NLRC5: variants seen among roughly 807,000 people sequenced by gnomAD.
NLRC5 encodes the protein NLR family CARD domain containing 5.
NLRC5 carries 114 observed loss-of-function variants against 206.9 expected under a neutral mutation model. The observed-to-expected ratio is 0.55, with a 90% confidence interval of 0.47 to 0.64. The LOEUF (loss-of-function observed/expected upper bound fraction) is 0.64, where lower values mean the gene tolerates loss of function less well. NLRC5 is among the 30% of genes least tolerant of loss of function. NLRC5 has a pLI of 0.00. For missense variants in NLRC5, 2,008 were observed against 2,305.5 expected (o/e 0.87, Z 2.64); for synonymous variants, 952 against 962.8 (o/e 0.99, Z 0.21).
intron 34 of NLRC5, 114 bp from the exon 35 acceptor site, chr16:57,067,273 T>A: frequency 1.2e-6 from 1 of 848,564 alleles, no homozygotes; most frequent in East Asian, 2.4e-5. Context: ...ACTGTAGGAC[T>A]TCATTTGATC....
intron 23 of NLRC5, among the ~76,000 whole-genome samples, chr16:57,049,098 C>T (rs1454276952): frequency 6.6e-6 from 1 of 151,332 alleles, no homozygotes; most frequent in Non-Finnish European, 1.5e-5. Flanking sequence ...CTAGCGATAG[C>T]TGATGTGCTA....
Position 57,082,816 on chromosome 16 carries a change from T to C in NLRC5, c.*288T>C. 1 of 316,176 alleles carries C rather than the reference T, an allele frequency of 3.2e-6. No individual in the cohort carries two copies. Among genetic ancestry groups the C allele is most frequent in the Non-Finnish European group, 5.9e-6 (1 of 170,856 alleles). 19.6% of individuals were successfully genotyped at this position (316,176 alleles called of 1,614,324 possible). ...TCATGACAATGCATGACACGTACGG[T>C]TATATGTGGCAGTGTGACCCCTTGA... On this transcript the variant is annotated 3_prime_UTR_variant, in exon 49 of 49. Transcript: ENST00000688547.
chr16:57,004,311 C>T (rs1422889390), intron 1 of NLRC5, among the ~76,000 whole-genome samples: 1 of 152,200 alleles, frequency 6.6e-6, no homozygotes. Flanking sequence ...GACCAGCTCT[C>T]ACAATGTTGC....
chr16:56,990,759 G>C (rs541182070), intron 1 of NLRC5: 1 of 152,062 alleles, frequency 6.6e-6, no homozygotes, highest in Non-Finnish European at 1.5e-5. Flanking sequence ...ATCACCTTCC[G>C]TTTCTCTAAG....
intron 46 of NLRC5, 27 bp from the exon 47 acceptor site, chr16:57,081,071 G>A (rs1413391714): frequency 2.6e-6 from 4 of 1,545,034 alleles, no homozygotes; most frequent in Non-Finnish European, 2.6e-6. Flanking sequence ...CTCTCCTGCC[G>A]CTGACTTTGG....
At chr16:56,991,294 G>T (rs564485484) in intron 1 of NLRC5, among the ~76,000 whole-genome samples, 1 of 152,046 alleles carries the variant, frequency 6.6e-6, no homozygotes, top group Non-Finnish European at 1.5e-5. Flanking sequence ...GGCCGGGTCA[G>T]CCTCCTCAGA....
intron 5 of NLRC5, among the ~76,000 whole-genome samples, chr16:57,024,597 CG>C (rs1357208387): frequency 1.3e-5 from 2 of 152,190 alleles, no homozygotes; most frequent in East Asian, 3.8e-4. Context: ...CCCACAGTTC[CG>C]ATCGGTAATG....
At chr16:57,055,810 C>T (rs879452066) in intron 27 of NLRC5, among the ~76,000 whole-genome samples, 2 of 152,188 alleles carry the variant, frequency 1.3e-5, no homozygotes, top group Admixed American at 6.5e-5. Flanking sequence ...GGGGCTAAAA[C>T]GCAGGATTCA....
intron 17 of NLRC5, 94 bp downstream of exon 17, chr16:57,040,812 G>A (rs1214541790): frequency 1.6e-6 from 2 of 1,216,734 alleles, no homozygotes; most frequent in Non-Finnish European, 2.4e-6. Flanking sequence ...GGCCCCACAT[G>A]CTCCCTGAAG....
Position 57,082,691 on chromosome 16 carries a change from A to C in NLRC5, c.*163A>C. The C allele has an allele frequency of 1.7e-6, 1 of 573,698 alleles. No individual in the cohort carries two copies. The highest frequency in any genetic ancestry group is 2.4e-5 in the South Asian group (1 of 41,716). 35.5% of individuals were successfully genotyped at this position (573,698 alleles called of 1,614,324 possible). ...TGTCCTGCTGCAGTCCTCAGGGAGA[A>C]CTTTTTTGGGAACCAGGAGCTGGGT... is the stretch of plus-strand genomic sequence containing the variant. On this transcript the variant is annotated 3_prime_UTR_variant, in exon 49 of 49. Transcript: ENST00000688547.
chr16:57,036,314 C>A, intron 14 of NLRC5, 131 bp downstream of exon 14: 2 of 819,196 alleles, frequency 2.4e-6, no homozygotes, highest in Non-Finnish European at 4.0e-6. Flanking sequence ...CCAGCAAAGT[C>A]AAGATGGTTT....
chr16:57,014,729 C>T lies in NLRC5; in HGVS notation c.-127-2345C>T, dbSNP rs534303933. ...CAGTTTGGGCTGTTATAATGAAACA[C>T]TGTAGACTGGGTGGCTTAAACAACA... On this transcript the variant is annotated intron_variant, in intron 1 of 48. Coordinates refer to ENST00000688547, the MANE Select transcript of NLRC5 (RefSeq NM_001384950.1). Among the ~76,000 whole-genome samples the T allele has an allele frequency of 2.6e-5, 4 of 152,212 alleles. No individual in the cohort carries two copies. In the South Asian group the frequency reaches 6.2e-4, roughly 24 times the overall value.
In NLRC5 at chr16:57,074,635, C is replaced by A. The variant is rs773251679; in HGVS notation, c.4703C>A (p.Ala1568Asp). The change falls in exon 39 of 49, where the codon GCC becomes GAC. Residue 1568 changes from alanine (A) to aspartate (D), a missense_variant. Physicochemically the swap from Ala to Asp is moderately radical, Grantham distance 126 (BLOSUM62 -2). Transcript: ENST00000688547. ...SHLLLNSSTL[A>D]LLTHRLSQMT... The stretch of plus-strand genomic sequence containing the variant: ...CTTCTGCTGAACAGCTCCACCTTGG[C>A]CTTGCTTACTCACAGACTAAGCCAG... 2.5e-6 allele frequency: 4 copies of A among 1,613,874 alleles called. No individual in the cohort carries two copies. The highest frequency in any genetic ancestry group is 3.4e-6 in the Non-Finnish European group (4 of 1,179,908).
intron 15 of NLRC5, among the ~76,000 whole-genome samples, chr16:57,037,688 G>A (rs7193009): frequency 0.021 from 3,140 of 152,206 alleles, 115 homozygotes; most frequent in African/African-American, 0.072. Flanking sequence ...AGAGCAGACC[G>A]TCAGTTCATG....
chr16:57,074,407 C>A (rs562985317), intron 38 of NLRC5, 193 bp from the exon 39 acceptor site: 37 of 584,112 alleles, frequency 6.3e-5, no homozygotes, highest in African/African-American at 9.3e-5. Context: ...GCCTGCCTGA[C>A]CTCAGTAATT....
At position 57,067,820 on chromosome 16, in the gene NLRC5, G is replaced by C; in HGVS notation, c.4491G>C (p.Lys1497Asn). The C allele has an allele frequency of 6.2e-7, 1 of 1,613,780 alleles. No homozygotes were observed. Among genetic ancestry groups the C allele is most frequent in the Non-Finnish European group, 8.5e-7 (1 of 1,179,648 alleles). The change falls in exon 36 of 49, where the codon AAG becomes AAC. Residue 1497 changes from lysine to asparagine, a missense_variant. By Grantham distance (94) the Lys-to-Asn change is moderately conservative (BLOSUM62 0). Transcript: ENST00000688547. ...QSLLLSLSEL[K>N]TFRLTSSCVS... ...TCCTGCTGTCCCTCTCTGAGCTGAA[G>C]ACATTTCGGTATGTAGACAAGACAT...
intron 4 of NLRC5, among the ~76,000 whole-genome samples, chr16:57,022,662 C>T (rs4784751): frequency 0.21 from 31,885 of 152,214 alleles, 3,782 homozygotes; most frequent in Non-Finnish European, 0.28. Flanking sequence ...GAAGCCCTAA[C>T]CACCCCCTCC....
chr16:56,998,869 G>A (rs1396729595), intron 1 of NLRC5, among the ~76,000 whole-genome samples: 2 of 152,240 alleles, frequency 1.3e-5, no homozygotes, highest in African/African-American at 4.8e-5. Flanking sequence ...GCTGTCTAGG[G>A]TGTTTAAAGA....
intron 43 of NLRC5, 70 bp downstream of exon 43, chr16:57,078,090 C>CGGG (rs1401324426): frequency 3.8e-6 from 4 of 1,040,126 alleles, no homozygotes. Context: ...GTGGGGGGGT[C>CGGG]CAGGCCCCCA....
Sources: gnomAD v4.1 joint callset for allele counts (sites outside exome capture counted in the v4.1 genomes callset) on GRCh38, gnomAD v4.1.1 for gene constraint, MANE v1.5 for transcripts, NCBI Gene and HGNC (gene_info 2026-07-23, HGNC 2026-07-21) for gene names.